The following ZFAT variants were observed in gnomAD, a reference collection of about 807,000 sequenced individuals.
ZFAT encodes zinc finger protein ZFAT.
A neutral mutation model predicts 117.7 loss-of-function variants in ZFAT; 64 were observed. The ratio of observed to expected loss-of-function variants is 0.54; its 90% confidence interval spans 0.44 to 0.67. The LOEUF is 0.67. Ranked by LOEUF, ZFAT falls within the 30% of genes least tolerant of loss-of-function variation. The pLI is 0.00. For synonymous variants in ZFAT, 679 were observed against 615.0 expected, an observed-to-expected ratio of 1.10 and a Z score of -1.54; for missense variants, 1,433 against 1,584.5, an observed-to-expected ratio of 0.90 and a Z score of 1.62.
intron 1 of ZFAT, among the ~76,000 whole-genome samples, chr8:134,659,158 C>G (rs1831803512): frequency 6.6e-6 from 1 of 152,228 alleles, no homozygotes; most frequent in African/African-American, 2.4e-5. Flanking sequence ...GCTCTGCGCT[C>G]TCTGGTGATG....
At chr8:134,664,619 G>A (rs969137124) in intron 1 of ZFAT, among the ~76,000 whole-genome samples, 6 of 152,222 alleles carry the variant, frequency 3.9e-5, no homozygotes, top group African/African-American at 1.4e-4. Context: ...GCGTATAAAC[G>A]GCAAAATGCC....
chr8:134,479,950 CTTTTTTTTTTT>C (rs35032412), intron 15 of ZFAT, among the ~76,000 whole-genome samples: 1 of 123,330 alleles, frequency 8.1e-6, no homozygotes, highest in South Asian at 2.6e-4. Context: ...TTCAACCACA[CTTTTTTTTTTT>C]TTTTTTTTTG....
rs1188816208 is a variant in ZFAT, at chr8:134,602,047, G to A, written c.1672C>T (p.Pro558Ser). 4 of 1,611,814 alleles carry A rather than the reference G, an allele frequency of 2.5e-6. No individual in the cohort carries two copies. The highest frequency in any genetic ancestry group is 1.1e-5 in the South Asian group (1 of 90,936). ...TGCGGGGAGGCCAGGTGCACAGCTGGGGCAGGCATTTCCCCAGGGGCCTCC... is the reference window on the plus strand; with the variant it reads ...TGCGGGGAGGCCAGGTGCACAGCTGAGGCAGGCATTTCCCCAGGGGCCTCC... ...EPEAPGEMPA[P>S]AVHLASPQAE... The change falls in exon 6 of 16, where the codon CCA becomes TCA. Residue 558 changes from proline (P) to serine (S), a missense_variant. By Grantham distance (74) the Pro-to-Ser change is moderately conservative (BLOSUM62 -1). This residue lies in a region of ZFAT where 372 missense variants were observed against 355.6 expected (regional missense o/e 1.05). Coordinates refer to ENST00000377838, the MANE Select transcript of ZFAT (RefSeq NM_020863.4).
the ZFAT span, among the ~76,000 whole-genome samples, chr8:134,720,644 G>A: frequency 2.0e-5 from 3 of 152,222 alleles, no homozygotes; most frequent in East Asian, 5.8e-4. Context: ...GGGCGGGCCT[G>A]GCCGCAAGAG....
At chr8:134,767,352 T>C in the ZFAT span, 1 of 152,224 alleles carries the variant, frequency 6.6e-6, no homozygotes, top group East Asian at 1.9e-4. Context: ...GGAGTCTTTT[T>C]TTGCAGATGC....
intron 1 of ZFAT, among the ~76,000 whole-genome samples, chr8:134,669,943 G>T (rs1000632168): frequency 6.6e-6 from 1 of 152,170 alleles, no homozygotes; most frequent in Non-Finnish European, 1.5e-5. Context: ...AAAGGCAGAG[G>T]TTGCAATCCT....
chr8:134,541,050 T>C (rs556159865), intron 11 of ZFAT, among the ~76,000 whole-genome samples: 17 of 152,340 alleles, frequency 1.1e-4, no homozygotes, highest in African/African-American at 3.8e-4. Flanking sequence ...TTCCACGTGC[T>C]GGCCAGGACA....
the ZFAT span, among the ~76,000 whole-genome samples, chr8:134,819,408 ATAT>A: frequency 6.6e-6 from 1 of 151,974 alleles, no homozygotes; most frequent in African/African-American, 2.4e-5. Context: ...GTCAAGAAAA[ATAT>A]TATCCCAAGA....
At chr8:134,666,482 T>C (rs1263423879) in intron 1 of ZFAT, among the ~76,000 whole-genome samples, 1 of 152,130 alleles carries the variant, frequency 6.6e-6, no homozygotes, top group Non-Finnish European at 1.5e-5. Context: ...ACACCAATAC[T>C]AGGTGGCACA....
intron 8 of ZFAT, among the ~76,000 whole-genome samples, chr8:134,588,745 T>G (rs956570053): frequency 1.3e-5 from 2 of 152,056 alleles, no homozygotes; most frequent in Non-Finnish European, 2.9e-5. Flanking sequence ...AGAAACATAA[T>G]GAACTAAACC....
intron 1 of ZFAT, among the ~76,000 whole-genome samples, chr8:134,683,506 G>C (rs1275914008): frequency 1.3e-5 from 2 of 152,206 alleles, no homozygotes; most frequent in African/African-American, 2.4e-5. Flanking sequence ...TCAGAAAAGG[G>C]GAAGTTGAAC....
At chr8:134,562,059 G>A (rs929590705) in intron 11 of ZFAT, among the ~76,000 whole-genome samples, 3 of 152,152 alleles carry the variant, frequency 2.0e-5, no homozygotes, top group African/African-American at 4.8e-5. Flanking sequence ...ATCTCAGTGG[G>A]TTCAGTATAA....
chr8:134,753,365 G>A, the ZFAT span, among the ~76,000 whole-genome samples: 2 of 152,148 alleles, frequency 1.3e-5, no homozygotes, highest in Non-Finnish European at 2.9e-5. Context: ...GAGGGGTCCT[G>A]TATTTACCAA....
the ZFAT span, among the ~76,000 whole-genome samples, chr8:134,732,307 G>T: frequency 1.3e-5 from 2 of 152,202 alleles, no homozygotes; most frequent in Non-Finnish European, 2.9e-5. Flanking sequence ...ACTGAAGCAA[G>T]CATAGTGGGA....
chr8:134,493,510 G>A (rs1009738451), intron 15 of ZFAT, among the ~76,000 whole-genome samples: 39 of 152,330 alleles, frequency 2.6e-4, no homozygotes, highest in African/African-American at 8.2e-4. Context: ...TGCATGTCTC[G>A]GCAGTCTAGG....
At chr8:134,679,165 G>A (rs1376692967) in intron 1 of ZFAT, among the ~76,000 whole-genome samples, 2 of 152,070 alleles carry the variant, frequency 1.3e-5, no homozygotes, top group African/African-American at 4.8e-5. Context: ...TACCGAATAG[G>A]AGAAAATTTT....
intron 1 of ZFAT, chr8:134,696,652 G>C: frequency 2.1e-6 from 2 of 973,308 alleles, no homozygotes; most frequent in Non-Finnish European, 1.2e-6. Context: ...GTGGGACAGG[G>C]CATCCTGCCG....
chr8:134,691,007 T>C (rs1322317172), intron 1 of ZFAT, among the ~76,000 whole-genome samples: 1 of 152,250 alleles, frequency 6.6e-6, no homozygotes, highest in East Asian at 1.9e-4. Flanking sequence ...TTATTTATAA[T>C]CTAGTTTTGT....
the ZFAT span, among the ~76,000 whole-genome samples, chr8:134,742,961 T>C: frequency 1.3e-5 from 2 of 152,238 alleles, no homozygotes; most frequent in Non-Finnish European, 2.9e-5. Context: ...CAAGTGTGCC[T>C]CTGTCTCAGG....
Sources: allele counts gnomAD v4.1 joint callset (sites outside exome capture counted in the v4.1 genomes callset), GRCh38; gene constraint gnomAD v4.1.1; regional missense constraint gnomAD v4.1.1; transcripts MANE v1.5; gene names NCBI Gene and HGNC (gene_info 2026-07-23, HGNC 2026-07-21).